Variants in PITPNC1 observed in about 807,000 individuals in gnomAD.
PITPNC1 encodes phosphatidylinositol transfer protein cytoplasmic 1.
A neutral mutation model predicts 44.7 loss-of-function variants in PITPNC1; 18 were observed. That is an observed-to-expected ratio of 0.40 (90% confidence interval 0.28 to 0.60). The LOEUF (loss-of-function observed/expected upper bound fraction) is 0.60, where lower values mean the gene tolerates loss of function less well. PITPNC1 is among the 20% of genes least tolerant of loss of function. PITPNC1 has a pLI of 0.39. For synonymous variants in PITPNC1, 141 were observed against 149.6 expected, an observed-to-expected ratio of 0.94 and a Z score of 0.42; for missense variants, 290 against 418.4, an observed-to-expected ratio of 0.69 and a Z score of 2.68.
At chr17:67,425,394 C>CT (rs371283213) in intron 1 of PITPNC1, among the ~76,000 whole-genome samples, 2 of 151,208 alleles carry the variant, frequency 1.3e-5, no homozygotes, top group African/African-American at 4.9e-5. Context: ...GGTTGACAAA[C>CT]TTTTTTTTTC....
chr17:67,408,538 CAA>C (rs774274464), intron 1 of PITPNC1, among the ~76,000 whole-genome samples: 1 of 151,200 alleles, frequency 6.6e-6, no homozygotes, highest in African/African-American at 2.4e-5. Flanking sequence ...TCAAAACAAA[CAA>C]AAAAAAAGTT....
At chr17:67,531,451 G>A (rs935758470) in intron 1 of PITPNC1, among the ~76,000 whole-genome samples, 3 of 152,074 alleles carry the variant, frequency 2.0e-5, no homozygotes, top group Admixed American at 6.6e-5. Flanking sequence ...AGACCCAGAC[G>A]GCAGCTTGCT....
intron 1 of PITPNC1, among the ~76,000 whole-genome samples, chr17:67,444,924 T>C (rs1023700473): frequency 6.6e-6 from 1 of 151,212 alleles, no homozygotes. Flanking sequence ...GGTATATAAG[T>C]GTATTAGTGT....
intron 1 of PITPNC1, among the ~76,000 whole-genome samples, chr17:67,469,833 G>A (rs1241340851): frequency 2.0e-5 from 3 of 151,980 alleles, no homozygotes; most frequent in African/African-American, 7.3e-5. Context: ...GGCTCAGGAG[G>A]ATAAAAACAA....
At chr17:67,525,726 G>T (rs140490232) in intron 1 of PITPNC1, among the ~76,000 whole-genome samples, 9 of 152,318 alleles carry the variant, frequency 5.9e-5, no homozygotes, top group Non-Finnish European at 1.0e-4. Flanking sequence ...TGTGCTTTGA[G>T]GTCCAGCAGA....
intron 2 of PITPNC1, among the ~76,000 whole-genome samples, chr17:67,537,251 A>C (rs893488763): frequency 6.6e-6 from 1 of 152,188 alleles, no homozygotes; most frequent in Non-Finnish European, 1.5e-5. Context: ...GAGAGAAATA[A>C]AGAGGAAAGG....
intron 5 of PITPNC1, among the ~76,000 whole-genome samples, chr17:67,615,480 GCA>G (rs1266811983): frequency 6.6e-6 from 1 of 152,094 alleles, no homozygotes; most frequent in African/African-American, 2.4e-5. Flanking sequence ...CCACCCCACC[GCA>G]CGAGCCATAG....
At chr17:67,630,266 A>C (rs185051879) in intron 5 of PITPNC1, among the ~76,000 whole-genome samples, 1 of 152,244 alleles carries the variant, frequency 6.6e-6, no homozygotes, top group Non-Finnish European at 1.5e-5. Context: ...GGAATGAGCT[A>C]AACAGTGGGA....
At chr17:67,642,966 T>C (rs1308187605) in intron 6 of PITPNC1, among the ~76,000 whole-genome samples, 1 of 152,134 alleles carries the variant, frequency 6.6e-6, no homozygotes, top group African/African-American at 2.4e-5. Flanking sequence ...TTGAATTTGG[T>C]AGTGAAATGC....
Position 67,495,217 on chromosome 17 carries a change from C to T in PITPNC1, c.49-37585C>T, listed in dbSNP as rs1031066867. 4.0e-5 allele frequency among the ~76,000 whole-genome samples: 6 copies of T among 151,324 alleles called. No homozygotes were observed. In the East Asian group the frequency reaches 9.7e-4, roughly 25 times the overall value. On this transcript the variant is annotated intron_variant, in intron 1 of 8. Transcript: ENST00000581322. Reference sequence around the variant, plus strand: ...GGCTACAGGCGCTCGCCACCAGGCCCGGCTAATTTTTTTGTATTTTTTAGT... The same window carrying T: ...GGCTACAGGCGCTCGCCACCAGGCCTGGCTAATTTTTTTGTATTTTTTAGT...
intron 1 of PITPNC1, among the ~76,000 whole-genome samples, chr17:67,504,838 C>T (rs986689795): frequency 6.6e-6 from 1 of 152,050 alleles, no homozygotes; most frequent in Non-Finnish European, 1.5e-5. Context: ...GTTATTGATG[C>T]GAAATCTTTT....
At chr17:67,625,303 C>G (rs929984100) in intron 5 of PITPNC1, among the ~76,000 whole-genome samples, 2 of 152,166 alleles carry the variant, frequency 1.3e-5, no homozygotes, top group African/African-American at 4.8e-5. Flanking sequence ...CAAACGAGAC[C>G]ATGAAGTTCA....
intron 4 of PITPNC1, among the ~76,000 whole-genome samples, chr17:67,564,630 A>G (rs920283921): frequency 1.3e-5 from 2 of 152,192 alleles, no homozygotes; most frequent in African/African-American, 4.8e-5. Flanking sequence ...AATCTAGTCA[A>G]GTTGACGCCT....
intron 1 of PITPNC1, among the ~76,000 whole-genome samples, chr17:67,426,026 C>G (rs2038760119): frequency 6.6e-6 from 1 of 152,162 alleles, no homozygotes; most frequent in Non-Finnish European, 1.5e-5. Context: ...TTTTGCTGAT[C>G]ACTTCATAGA....
At chr17:67,438,897 C>T (rs1241221597) in intron 1 of PITPNC1, among the ~76,000 whole-genome samples, 1 of 152,202 alleles carries the variant, frequency 6.6e-6, no homozygotes. Flanking sequence ...CAGAGATCCA[C>T]CTGCTTTGCT....
intron 1 of PITPNC1, among the ~76,000 whole-genome samples, chr17:67,491,769 C>T (rs1206148686): frequency 6.6e-6 from 1 of 152,132 alleles, no homozygotes; most frequent in Non-Finnish European, 1.5e-5. Flanking sequence ...GAATTCAAGG[C>T]TGCGGTGAGC....
At chr17:67,592,588 A>C (rs1251175453) in intron 5 of PITPNC1, among the ~76,000 whole-genome samples, 1 of 152,272 alleles carries the variant, frequency 6.6e-6, no homozygotes, top group East Asian at 1.9e-4. Context: ...TAACAAAATC[A>C]TATGAAAGAA....
At chr17:67,647,463 G>GT (rs1567757487) in intron 6 of PITPNC1, among the ~76,000 whole-genome samples, 1,150 of 90,552 alleles carry the variant, frequency 0.013, 105 homozygotes, top group African/African-American at 0.054. Context: ...GCTAATTTTG[G>GT]GTTTTTTTTT....
chr17:67,640,331 C>T (rs953890744), intron 6 of PITPNC1, among the ~76,000 whole-genome samples: 7 of 152,160 alleles, frequency 4.6e-5, no homozygotes, highest in African/African-American at 7.2e-5. Context: ...TGCCGCATCG[C>T]GGGCCCTGAG....
Sources: allele counts gnomAD v4.1 joint callset (sites outside exome capture counted in the v4.1 genomes callset), GRCh38; gene constraint gnomAD v4.1.1; transcripts MANE v1.5; gene names NCBI Gene and HGNC (gene_info 2026-07-23, HGNC 2026-07-21).